FBXO43: variants seen among roughly 807,000 people sequenced by gnomAD.
FBXO43 encodes the protein F-box protein 43.
In FBXO43, 22 loss-of-function variants were observed where a neutral mutation model predicts 56.7. The observed-to-expected ratio is 0.39, with a 90% CI of 0.28 to 0.55. The LOEUF (loss-of-function observed/expected upper bound fraction) is 0.55. Ranked by LOEUF, FBXO43 falls within the 20% of genes least tolerant of loss-of-function variation. FBXO43 has a pLI of 0.66. For missense variants in FBXO43, 733 were observed against 814.9 expected, an observed-to-expected ratio of 0.90 and a Z score of 1.22; for synonymous variants, 306 against 294.5, an observed-to-expected ratio of 1.04 and a Z score of -0.40.
chr8:100,134,917 A>C (rs1348477282), intron 3 of FBXO43, among the ~76,000 whole-genome samples: 2 of 152,234 alleles, frequency 1.3e-5, no homozygotes, highest in Non-Finnish European at 2.9e-5. Context: ...TCTGAGGAAA[A>C]GAAGGAACAG....
Position 100,145,369 on chromosome 8 carries a change from A to C in FBXO43, c.-234T>G. 2.7e-6 allele frequency: 1 copy of C among 376,258 alleles called. No homozygotes were observed. Among genetic ancestry groups the C allele is most frequent in the Middle Eastern group, 6.0e-4 (1 of 1,672 alleles). 23.3% of individuals were successfully genotyped at this position (376,258 alleles called of 1,614,324 possible). On this transcript the variant is annotated 5_prime_UTR_variant, in exon 1 of 5. Coordinates refer to ENST00000428847, the MANE Select transcript of FBXO43 (RefSeq NM_001029860.4). ...ACTTAGACATGAGTAAACTTCCCAAATTCGGGTTCCTGAAAAGGCAGCGTG... is the reference window on the plus strand; with the variant it reads ...ACTTAGACATGAGTAAACTTCCCAACTTCGGGTTCCTGAAAAGGCAGCGTG...
intron 3 of FBXO43, 93 bp from the exon 4 acceptor site, chr8:100,134,457 G>T (rs1239454863): frequency 3.7e-6 from 4 of 1,093,784 alleles, no homozygotes; most frequent in Admixed American, 4.6e-5. Flanking sequence ...CTTTGAAGAG[G>T]TTTTTTGCCA....
In FBXO43 at chr8:100,145,768, A is replaced by AC. The variant is rs1814814135; in HGVS notation, c.-634dup. The AC allele has an allele frequency of 6.6e-6, 1 of 152,308 alleles. No homozygotes were observed. The highest frequency in any genetic ancestry group is 6.5e-5 in the Admixed American group (1 of 15,286). The allele number at this position is 152,308 out of a possible 1,614,324, so 9.4% of individuals were successfully genotyped here. On this transcript the variant is annotated 5_prime_UTR_variant, in exon 1 of 5. Transcript: ENST00000428847. Reference sequence around the variant, plus strand: ...GCCCCCTGGGATGCGGGCTATGGCAACCCCCACGCCAGCTTCGCGTGGGGC... The same window carrying AC: ...GCCCCCTGGGATGCGGGCTATGGCAACCCCCCACGCCAGCTTCGCGTGGGGC...
Position 100,141,586 on chromosome 8 carries a change from A to G in FBXO43, c.668T>C (p.Leu223Ser). 6.2e-7 allele frequency: 1 copy of G among 1,612,100 alleles called. No homozygotes were observed. Among genetic ancestry groups the G allele is most frequent in the African/African-American group, 1.3e-5 (1 of 75,044 alleles). Residue 223 changes from leucine (L) to serine (S), a missense_variant, in exon 2 of 5, where the codon TTG becomes TCG. Transcript: ENST00000428847. ...TEEVTSCSQK[L>S]RLNFSQQKTS... ...CTTTTGCTGAGAAAAATTAAGCCTC[A>G]ATTTTTGACTGCATGAAGTCACTTC...
chr8:100,134,687 T>A (rs1050972630), intron 3 of FBXO43, among the ~76,000 whole-genome samples: 2 of 152,162 alleles, frequency 1.3e-5, no homozygotes, highest in African/African-American at 4.8e-5. Context: ...ATATAATATA[T>A]AATCTAGACT....
Position 100,140,756 on chromosome 8 carries a change from C to T in FBXO43, c.1498G>A (p.Glu500Lys). Residue 500 changes from glutamate to lysine, a missense_variant, in exon 2 of 5, where the codon GAA (glutamate) becomes AAA (lysine). By Grantham distance (56) the Glu-to-Lys change is moderately conservative. Coordinates refer to ENST00000428847, the MANE Select transcript of FBXO43 (RefSeq NM_001029860.4). The stretch of plus-strand genomic sequence containing the variant: ...TGCTTTAAATTTCTATATTTTAATT[C>T]TGTTAAGATGTCCAGTTTTTCTATA... Reference protein sequence around the residue: ...MGIEKLDILTELKYRNLKHIL... With the variant: ...MGIEKLDILTKLKYRNLKHIL... The T allele has an allele frequency of 6.2e-7, 1 of 1,613,658 alleles. No homozygotes were observed. The highest frequency in any genetic ancestry group is 8.5e-7 in the Non-Finnish European group (1 of 1,179,686).
At position 100,133,902 on chromosome 8, in the gene FBXO43, T is replaced by A; in HGVS notation, c.2027A>T (p.His676Leu). ...DFCVLCLCAYHGSEECSRGAA... is the reference protein window; with the variant it reads ...DFCVLCLCAYLGSEECSRGAA... ...TCCTCTACTACATTCTTCAGACCCA[T>A]GATAAGCACACAGACATAACACACA... Residue 676 changes from histidine to leucine, a missense_variant, in exon 5 of 5, where the codon CAT becomes CTT. By Grantham distance (99) the His-to-Leu change is moderately conservative. Coordinates refer to ENST00000428847, the MANE Select transcript of FBXO43 (RefSeq NM_001029860.4). 6.2e-7 allele frequency: 1 copy of A among 1,613,010 alleles called. No homozygotes were observed. The highest frequency in any genetic ancestry group is 8.5e-7 in the Non-Finnish European group (1 of 1,179,432).
chr8:100,134,181 TA>T lies in FBXO43; in HGVS notation c.1857del (p.Ser619ArgfsTer19). 6.2e-7 allele frequency: 1 copy of T among 1,613,842 alleles called. No individual in the cohort carries two copies. The highest frequency in any genetic ancestry group is 8.5e-7 in the Non-Finnish European group (1 of 1,179,820). On this transcript the variant is annotated frameshift_variant, in exon 4 of 5. Transcript: ENST00000428847. LOFTEE classifies it high-confidence loss of function. ...LASSSVTHLS[S>X]KQEEYVKVAK... ...CTTACCTTAACATATTCTTCCTGTT[TA>T]CTACTTAAGTGAGTAACAGAAGAGC... is the stretch of plus-strand genomic sequence containing the variant.
In FBXO43 at chr8:100,140,445, G is replaced by A. The variant is rs189196593; in HGVS notation, c.1571+238C>T. ...AGATCACGCCACTGCACTCCAGCCTGGGCGACAGAGCGAGACTCTTGCTCA... is the reference window on the plus strand; with the variant it reads ...AGATCACGCCACTGCACTCCAGCCTAGGCGACAGAGCGAGACTCTTGCTCA... On this transcript the variant is annotated intron_variant, in intron 2 of 4. Coordinates refer to ENST00000428847, the MANE Select transcript of FBXO43 (RefSeq NM_001029860.4). Among the ~76,000 whole-genome samples the A allele has an allele frequency of 4.0e-4, 61 of 152,250 alleles. No individual in the cohort carries two copies. The East Asian group carries it at 0.011, about 27-fold the overall frequency.
rs913517625 is a variant in FBXO43 at position 100,134,468 on chromosome 8, T to C, written c.1675-104A>G. ...TATGCTTTGAAGAGGTTTTTTGCCA[T>C]CCGAATTCTCTCCCTAGGCTGTTCC... On this transcript the variant is annotated intron_variant, in intron 3 of 4. Transcript: ENST00000428847. The C allele has an allele frequency of 7.5e-6, 7 of 928,620 alleles. No individual in the cohort carries two copies. In the Admixed American group the frequency reaches 1.8e-4, roughly 23 times the overall value. 57.5% of individuals were successfully genotyped at this position (928,620 alleles called of 1,614,324 possible).
At position 100,141,687 on chromosome 8, in the gene FBXO43, A is replaced by G; in HGVS notation, c.567T>C (p.Asn189=). 1 of 1,611,436 alleles carries G rather than the reference A, an allele frequency of 6.2e-7. No individual in the cohort carries two copies. The highest frequency in any genetic ancestry group is 1.3e-5 in the African/African-American group (1 of 75,000). ...SISQVINLEK[N]IPSSASGFSR... ...AAAAACCTGAAGCACTGCTTGGAAT[A>G]TTTTTTTCTAAGTTGATAACTTGGC... The change falls in exon 2 of 5, where the codon AAT becomes AAC. Residue 189 remains asparagine, a synonymous_variant. Coordinates refer to ENST00000428847, the MANE Select transcript of FBXO43 (RefSeq NM_001029860.4).
chr8:100,140,481 C>A (rs1586347371), intron 2 of FBXO43, among the ~76,000 whole-genome samples: 1 of 147,840 alleles, frequency 6.8e-6, no homozygotes. Context: ...AAGAAAAAAA[C>A]AAAACAAAAC....
chr8:100,145,962 C>G (rs1814823193), upstream of FBXO43, among the ~76,000 whole-genome samples: 1 of 152,244 alleles, frequency 6.6e-6, no homozygotes. Context: ...CCCTCTCTCG[C>G]TCACCCCTGC....
At position 100,141,518 on chromosome 8, in the gene FBXO43, C is replaced by A. The variant is rs769886484; in HGVS notation, c.736G>T (p.Glu246Ter). ...TGAATTGGAGATATACATTCAACTT[C>A]AAATAGGCTACAATCATCTTTGGAA... ...DDSKDDCSLF[E>*]VECISPIQGN... Residue 246 changes from glutamate to a stop codon, truncating the protein, a stop_gained, in exon 2 of 5, where the codon GAA becomes TAA. Coordinates refer to ENST00000428847, the MANE Select transcript of FBXO43 (RefSeq NM_001029860.4). LOFTEE classifies it high-confidence loss of function. 1.2e-6 allele frequency: 2 copies of A among 1,612,322 alleles called. No homozygotes were observed. The highest frequency in any genetic ancestry group is 2.2e-5 in the East Asian group (1 of 44,880).
At chr8:100,150,206 A>C (rs1266155296), upstream of FBXO43, among the ~76,000 whole-genome samples, 24 of 152,246 alleles carry the variant, frequency 1.6e-4, no homozygotes, top group Admixed American at 1.6e-3. Context: ...CAGCTGCCCC[A>C]CTGCCCCAGT....
Position 100,133,454 on chromosome 8 carries a change from T to C in FBXO43, c.*348A>G, listed in dbSNP as rs1047328641. ...TGTCTAGAGTTCAAAATCTTTAATA[T>C]TATCTGAAAAACTATTTTTTAAAAA... On this transcript the variant is annotated 3_prime_UTR_variant, in exon 5 of 5. Transcript: ENST00000428847. 1.2e-5 allele frequency: 2 copies of C among 161,580 alleles called. No individual in the cohort carries two copies. The highest frequency in any genetic ancestry group is 2.4e-5 in the African/African-American group (1 of 41,704). The allele number at this position is 161,580 out of a possible 1,614,324, so 10.0% of individuals were successfully genotyped here. A position where few individuals can be genotyped will look rare whatever the true frequency, so the allele number is the denominator to read the frequency against.
rs755922881 is a variant in FBXO43 at position 100,145,072 on chromosome 8, T to G, written c.64A>C (p.Lys22Gln). 6.8e-6 allele frequency: 11 copies of G among 1,611,634 alleles called. No individual in the cohort carries two copies. The Admixed American group carries it at 1.8e-4, about 27-fold the overall frequency. ...TTACCATCAGTAAATCTTGAGCTCT[T>G]AGATGTCAAAGTTACGTAGGCTTCC... ...CLEAYVTLTS[K>Q]SSRFTDETEI... The change falls in exon 1 of 5, where the codon AAG (lysine) becomes CAG (glutamine). Residue 22 changes from lysine (K) to glutamine (Q), a missense_variant. By Grantham distance (53) the Lys-to-Gln change is moderately conservative (BLOSUM62 1). Transcript: ENST00000428847.
At chr8:100,135,795 G>A (rs1057036769) in intron 3 of FBXO43, among the ~76,000 whole-genome samples, 1 of 152,032 alleles carries the variant, frequency 6.6e-6, no homozygotes, top group Non-Finnish European at 1.5e-5. Flanking sequence ...AGTAGAGACA[G>A]GGGTTCCACC....
In FBXO43 at chr8:100,145,229, A is replaced by G; in HGVS notation, c.-94T>C. ...ATGATTGCTCAAAGTCGAAGGGTAC[A>G]CAGGGTGCATGCCGCAGGGATTATT... On this transcript the variant is annotated 5_prime_UTR_variant, in exon 1 of 5. Transcript: ENST00000428847. The G allele has an allele frequency of 1.0e-6, 1 of 985,658 alleles. No homozygotes were observed. The highest frequency in any genetic ancestry group is 1.5e-6 in the Non-Finnish European group (1 of 667,416). The allele number at this position is 985,658 out of a possible 1,614,324, so 61.1% of individuals were successfully genotyped here. A position where few individuals can be genotyped will look rare whatever the true frequency, so the allele number is the denominator to read the frequency against.
Sources: allele counts gnomAD v4.1 joint callset (sites outside exome capture counted in the v4.1 genomes callset), GRCh38; gene constraint gnomAD v4.1.1; transcripts MANE v1.5; gene names NCBI Gene and HGNC (gene_info 2026-07-23, HGNC 2026-07-21).